The following PHF14 variants were observed in gnomAD, a reference collection of about 807,000 sequenced individuals.
PHF14 encodes the protein PHD finger protein 14.
In PHF14, 55 loss-of-function variants were observed where a neutral mutation model predicts 117.9. The observed-to-expected ratio is 0.47, with a 90% CI of 0.38 to 0.58. The LOEUF (loss-of-function observed/expected upper bound fraction) is 0.58, where lower values mean the gene tolerates loss of function less well. Ranked by LOEUF, PHF14 falls within the 20% of genes least tolerant of loss-of-function variation. PHF14 has a pLI of 0.00. For missense variants in PHF14, 978 were observed against 1,122.2 expected (o/e 0.87, Z 1.84); for synonymous variants, 409 against 368.6 (o/e 1.11, Z -1.26).
intron 5 of PHF14, 88 bp from the exon 6 acceptor site, chr7:11,022,780 T>G: frequency 1.6e-6 from 1 of 609,022 alleles, no homozygotes; most frequent in South Asian, 3.0e-5. Flanking sequence ...TGGTAGTATT[T>G]TGAGATGGCA....
intron 14 of PHF14, among the ~76,000 whole-genome samples, chr7:11,059,445 C>T (rs1302781937): frequency 2.0e-5 from 3 of 152,084 alleles, no homozygotes; most frequent in African/African-American, 7.2e-5. Context: ...GAATATTTTC[C>T]ACTTGATATT....
intron 16 of PHF14, chr7:11,062,552 G>A (rs1785264434): frequency 3.7e-6 from 1 of 273,738 alleles, no homozygotes; most frequent in Non-Finnish European, 5.6e-6. Flanking sequence ...AAACAAATGT[G>A]TTAAATGCTT....
chr7:11,059,365 A>G (rs1785129207), intron 14 of PHF14, among the ~76,000 whole-genome samples: 1 of 152,246 alleles, frequency 6.6e-6, no homozygotes, highest in Admixed American at 6.5e-5. Flanking sequence ...GGATGAAGAA[A>G]AATGTGAAAA....
chr7:11,163,392 T>C (rs1313573290), intron 17 of PHF14, among the ~76,000 whole-genome samples: 2 of 152,234 alleles, frequency 1.3e-5, no homozygotes, highest in East Asian at 1.9e-4. Flanking sequence ...TAAAATGGTA[T>C]ATTAATTGCC....
At chr7:11,055,627 C>T (rs954847484) in intron 14 of PHF14, among the ~76,000 whole-genome samples, 6 of 152,128 alleles carry the variant, frequency 3.9e-5, no homozygotes, top group Non-Finnish European at 1.5e-5. Context: ...GATTTAAACA[C>T]ATCTAATCGT....
chr7:11,103,115 A>G, intron 16 of PHF14: 1 of 975,172 alleles, frequency 1.0e-6, no homozygotes, highest in Non-Finnish European at 1.2e-6. Flanking sequence ...TCTATTTATA[A>G]TATTCAGCAA....
chr7:11,166,883 G>T (rs1194008338), intron 17 of PHF14, among the ~76,000 whole-genome samples: 1 of 152,178 alleles, frequency 6.6e-6, no homozygotes. Flanking sequence ...GGCAGTGTTA[G>T]AAGGCATGCA....
chr7:11,061,930 GT>G, intron 15 of PHF14, 33 bp from the exon 16 acceptor site: 1 of 1,548,490 alleles, frequency 6.5e-7, no homozygotes, highest in Non-Finnish European at 8.7e-7. Flanking sequence ...TATTTTGTTT[GT>G]TATGTTTTAT....
intron 13 of PHF14, among the ~76,000 whole-genome samples, chr7:11,046,635 A>G (rs956470899): frequency 7.3e-5 from 7 of 96,176 alleles, no homozygotes; most frequent in African/African-American, 3.2e-4. Context: ...TATATCTGCT[A>G]TTAAAGTTTT....
intron 16 of PHF14, chr7:11,110,181 C>T (rs1787396438): frequency 6.6e-6 from 1 of 151,772 alleles, no homozygotes; most frequent in African/African-American, 2.4e-5. Flanking sequence ...GTAAGAAGAG[C>T]TTCTTCCCCC....
intron 5 of PHF14, among the ~76,000 whole-genome samples, chr7:11,018,563 A>G (rs2128317523): frequency 6.6e-6 from 1 of 152,282 alleles, no homozygotes; most frequent in South Asian, 2.1e-4. Context: ...GTTGTCACGT[A>G]GACATGCTCC....
chr7:11,096,327 T>C (rs957915576), intron 16 of PHF14, among the ~76,000 whole-genome samples: 4 of 152,202 alleles, frequency 2.6e-5, no homozygotes, highest in Admixed American at 2.6e-4. Context: ...TCCTAAAGTT[T>C]TTGAATGCTC....
At chr7:11,106,360 T>C (rs1168337921) in intron 16 of PHF14, 2 of 979,284 alleles carry the variant, frequency 2.0e-6, no homozygotes, top group African/African-American at 3.5e-5. Context: ...ATGAAATAGG[T>C]TCAAGCCCTC....
At position 11,122,408 on chromosome 7, in the gene PHF14, T is replaced by C. The variant is rs867524878; in HGVS notation, c.2772+10941T>C. Among the ~76,000 whole-genome samples the C allele has an allele frequency of 1.6e-3, 194 of 118,488 alleles. 1 individual carries two copies. Among genetic ancestry groups the C allele is most frequent in the African/African-American group, 5.0e-3 (156 of 31,422 alleles). 77.7% of individuals were successfully genotyped at this position (118,488 alleles called of 152,430 possible). ...ACATACATACACACACATATATATATACACGTATATATATATACACGTATA... is the reference window on the plus strand; with the variant it reads ...ACATACATACACACACATATATATACACACGTATATATATATACACGTATA... On this transcript the variant is annotated intron_variant, in intron 17 of 17. Coordinates refer to ENST00000634607, the MANE Select transcript of PHF14 (RefSeq NM_001007157.2).
chr7:11,138,422 T>C (rs1788303579), intron 17 of PHF14, among the ~76,000 whole-genome samples: 1 of 152,222 alleles, frequency 6.6e-6, no homozygotes, highest in Admixed American at 6.5e-5. Flanking sequence ...TAATCAACTT[T>C]TACCCACTTT....
chr7:11,002,672 C>T (rs889223881), intron 4 of PHF14, among the ~76,000 whole-genome samples: 8 of 151,984 alleles, frequency 5.3e-5, no homozygotes, highest in African/African-American at 1.2e-4. Flanking sequence ...TGAACTCCCC[C>T]GCCTCTGGTG....
At chr7:11,111,730 T>C (rs1787453722) in intron 17 of PHF14, among the ~76,000 whole-genome samples, 1 of 152,078 alleles carries the variant, frequency 6.6e-6, no homozygotes, top group South Asian at 2.1e-4. Flanking sequence ...TAAATAGTGC[T>C]CCGAAAGCCC....
intron 13 of PHF14, among the ~76,000 whole-genome samples, chr7:11,049,292 T>C (rs759476223): frequency 1.3e-5 from 2 of 151,832 alleles, no homozygotes; most frequent in African/African-American, 4.8e-5. Flanking sequence ...GGCCAACATA[T>C]AGTGAAACCC....
At chr7:11,012,549 A>G (rs754698326) in intron 4 of PHF14, among the ~76,000 whole-genome samples, 1 of 152,210 alleles carries the variant, frequency 6.6e-6, no homozygotes, top group East Asian at 1.9e-4. Context: ...AATTCCAGAG[A>G]TGTATCTAAG....
Sources: allele counts gnomAD v4.1 joint callset (sites outside exome capture counted in the v4.1 genomes callset), GRCh38; gene constraint gnomAD v4.1.1; transcripts MANE v1.5; gene names NCBI Gene and HGNC (gene_info 2026-07-23, HGNC 2026-07-21).